CFAP77: variants seen among roughly 807,000 people sequenced by gnomAD.
CFAP77 encodes cilia- and flagella-associated protein 77.
CFAP77 carries 25 observed loss-of-function variants against 31.1 expected under a neutral mutation model. The observed-to-expected ratio is 0.80, with a 90% CI of 0.59 to 1.12. The LOEUF is 1.12. CFAP77 is among the 50% of genes most tolerant of loss of function. CFAP77 has a pLI of 0.00. For synonymous variants in CFAP77, 151 were observed against 159.9 expected, an observed-to-expected ratio of 0.94 and a Z score of 0.42; for missense variants, 377 against 397.3, an observed-to-expected ratio of 0.95 and a Z score of 0.44.
intron 3 of CFAP77, among the ~76,000 whole-genome samples, chr9:132,533,489 C>T (rs189409000): frequency 6.6e-6 from 1 of 152,358 alleles, no homozygotes; most frequent in East Asian, 1.9e-4. Flanking sequence ...CCTGCCTCTT[C>T]CAGCTGCTGG....
chr9:132,549,012 A>T (rs1852781333), intron 5 of CFAP77, among the ~76,000 whole-genome samples: 1 of 152,110 alleles, frequency 6.6e-6, no homozygotes, highest in Admixed American at 6.5e-5. Flanking sequence ...GAGGGAAAAA[A>T]ATATATCTCA....
At chr9:132,534,596 GC>G (rs1240356286) in intron 3 of CFAP77, among the ~76,000 whole-genome samples, 6 of 140,842 alleles carry the variant, frequency 4.3e-5, no homozygotes, top group Non-Finnish European at 9.0e-5. Flanking sequence ...GAGCAACAGA[GC>G]GAGACTCTGT....
At chr9:132,560,381 C>T (rs1852975222) in intron 5 of CFAP77, among the ~76,000 whole-genome samples, 1 of 152,162 alleles carries the variant, frequency 6.6e-6, no homozygotes, top group Non-Finnish European at 1.5e-5. Context: ...AGCTTAGGAG[C>T]TGACCTGAGG....
chr9:132,557,893 C>A (rs925546203), intron 5 of CFAP77, among the ~76,000 whole-genome samples: 7 of 151,348 alleles, frequency 4.6e-5, no homozygotes, highest in African/African-American at 1.7e-4. Context: ...GATGTCTCCT[C>A]CCCCGGTTCT....
At chr9:132,521,722 G>A (rs1364124174) in intron 3 of CFAP77, among the ~76,000 whole-genome samples, 1 of 150,694 alleles carries the variant, frequency 6.6e-6, no homozygotes, top group Admixed American at 6.6e-5. Context: ...GGGGCAATGG[G>A]AAGCCACTGG....
At chr9:132,473,973 G>A (rs1412835415) in intron 1 of CFAP77, among the ~76,000 whole-genome samples, 4 of 152,188 alleles carry the variant, frequency 2.6e-5, no homozygotes, top group Admixed American at 6.5e-5. Flanking sequence ...GTGAGCCACC[G>A]CGCCTGGGCT....
rs138682940 is a variant in CFAP77 at position 132,471,687 on chromosome 9, T to TTG, written c.196-27007_196-27006insGT. ...GGAGCATTGTGAGAGAGGGGGGTTG[T>TTG]TTTTGTTTTGTTTTGTTTTGTTTTG... On this transcript the variant is annotated intron_variant, in intron 1 of 5. Transcript: ENST00000393216. 2.4e-4 allele frequency among the ~76,000 whole-genome samples: 35 copies of TTG among 148,822 alleles called. No individual in the cohort carries two copies. The East Asian group carries it at 6.9e-3, about 29-fold the overall frequency.
chr9:132,507,160 T>C (rs1463683930), intron 3 of CFAP77, among the ~76,000 whole-genome samples: 2 of 152,330 alleles, frequency 1.3e-5, no homozygotes, highest in East Asian at 3.9e-4. Context: ...TCAAACTTCT[T>C]GTCAGGGCAT....
chr9:132,459,984 A>G (rs759607114), intron 1 of CFAP77, among the ~76,000 whole-genome samples: 9 of 151,968 alleles, frequency 5.9e-5, no homozygotes, highest in Non-Finnish European at 1.3e-4. Flanking sequence ...ATACTTCTTA[A>G]AGACCTTCAA....
chr9:132,456,827 C>T (rs868686257), intron 1 of CFAP77, among the ~76,000 whole-genome samples: 18 of 151,952 alleles, frequency 1.2e-4, no homozygotes, highest in African/African-American at 2.7e-4. Context: ...CTCAGCTCAC[C>T]GCAACCTCCA....
At chr9:132,519,723 AATGGATGGGTGGATGGATGG>A (rs1852231632) in intron 3 of CFAP77, among the ~76,000 whole-genome samples, 5 of 28,516 alleles carry the variant, frequency 1.8e-4, no homozygotes, top group Admixed American at 1.6e-3. Flanking sequence ...TAGATGGATG[AATGGATGGGTGGATGGATGG>A]ATGGATGGGT....
intron 1 of CFAP77, among the ~76,000 whole-genome samples, chr9:132,445,314 A>G (rs1850691058): frequency 6.6e-6 from 1 of 152,088 alleles, no homozygotes; most frequent in South Asian, 2.1e-4. Context: ...TGACTACTCT[A>G]AGTACATCAT....
chr9:132,479,347 G>A (rs1383846365), intron 1 of CFAP77, among the ~76,000 whole-genome samples: 2 of 151,944 alleles, frequency 1.3e-5, no homozygotes, highest in African/African-American at 4.8e-5. Context: ...TCCCACCATT[G>A]TTCATCCTAC....
chr9:132,436,774 A>G (rs1348809660), intron 1 of CFAP77, among the ~76,000 whole-genome samples: 1 of 152,196 alleles, frequency 6.6e-6, no homozygotes, highest in East Asian at 1.9e-4. Flanking sequence ...CCTGATGGGG[A>G]AAATGCCCAT....
rs988960762 is a variant in CFAP77 at position 132,424,583 on chromosome 9, A to G, written c.195+14117A>G. ...TTTAGGGGAAGTCTGGAGGAAGCAC[A>G]CTACCAAGAAGGCGGCAGAGGGAGG... is the stretch of plus-strand genomic sequence containing the variant. On this transcript the variant is annotated intron_variant, in intron 1 of 5. Coordinates refer to ENST00000393216, the MANE Select transcript of CFAP77 (RefSeq NM_001282957.2). This position sits in a 1 kb window ranked among gnomAD's most constrained non-coding sequence, Gnocchi z 4.1. Among the ~76,000 whole-genome samples the G allele has an allele frequency of 1.3e-5, 2 of 152,174 alleles. No homozygotes were observed. Among genetic ancestry groups the G allele is most frequent in the Non-Finnish European group, 1.5e-5 (1 of 68,022 alleles).
At chr9:132,468,729 C>T (rs1430619815) in intron 1 of CFAP77, among the ~76,000 whole-genome samples, 1 of 152,004 alleles carries the variant, frequency 6.6e-6, no homozygotes, top group Non-Finnish European at 1.5e-5. Context: ...TGTTATATCC[C>T]AGGACCTTTC....
intron 4 of CFAP77, among the ~76,000 whole-genome samples, chr9:132,538,837 C>T (rs918027937): frequency 6.6e-5 from 10 of 151,864 alleles, no homozygotes; most frequent in African/African-American, 2.2e-4. Context: ...CCTGTAATCC[C>T]AGCACTTTGA....
Position 132,532,129 on chromosome 9 carries a change from T to C in CFAP77, c.525-5472T>C, listed in dbSNP as rs191099300. 1.8e-3 allele frequency among the ~76,000 whole-genome samples: 268 copies of C among 152,210 alleles called. 2 individuals carry two copies. Among genetic ancestry groups the C allele is most frequent in the African/African-American group, 6.2e-3 (259 of 41,456 alleles). ...AACTGGAAAACAAAGAACCACCGTT[T>C]GTAGCAGCACCACAGGCTGCTGTGT... On this transcript the variant is annotated intron_variant, in intron 3 of 5. Coordinates refer to ENST00000393216, the MANE Select transcript of CFAP77 (RefSeq NM_001282957.2).
chr9:132,551,131 G>GA (rs376296073), intron 5 of CFAP77, among the ~76,000 whole-genome samples: 61 of 150,160 alleles, frequency 4.1e-4, no homozygotes, highest in African/African-American at 7.1e-4. Flanking sequence ...AAAGAAAAAA[G>GA]AAAAAAAAAT....
Sources: gnomAD v4.1 joint callset for allele counts (sites outside exome capture counted in the v4.1 genomes callset) on GRCh38, gnomAD v4.1.1 for gene constraint, Gnocchi (gnomAD v3.1) non-coding constraint, MANE v1.5 for transcripts, NCBI Gene and HGNC (gene_info 2026-07-23, HGNC 2026-07-21) for gene names.